Variants in GSTK1 observed in about 807,000 individuals in gnomAD.
GSTK1 encodes the protein GST class-kappa.
GSTK1 carries 25 observed loss-of-function variants against 30.9 expected under a neutral mutation model. The ratio of observed to expected loss-of-function variants is 0.81; its 90% CI spans 0.59 to 1.13. The LOEUF is 1.13. GSTK1 is among the 50% of genes most tolerant of loss of function. The probability of loss-of-function intolerance (pLI) is 0.00; values close to 1 mark genes in which losing one functional copy is unlikely to be tolerated. For synonymous variants in GSTK1, 108 were observed against 112.5 expected, an observed-to-expected ratio of 0.96 and a Z score of 0.25; for missense variants, 292 against 292.4, an observed-to-expected ratio of 1.00 and a Z score of 0.01.
In GSTK1 at chr7:143,268,281, A is replaced by G; in HGVS notation, c.631+97A>G. The G allele has an allele frequency of 1.2e-6, 1 of 854,368 alleles. No homozygotes were observed. The highest frequency in any genetic ancestry group is 2.5e-5 in the East Asian group (1 of 40,272). 52.9% of individuals were successfully genotyped at this position (854,368 alleles called of 1,614,324 possible). ...GCTGAGGCGAGCAGAGCACGAGTTC[A>G]GGAGATTAAGACCATCCTGGCCAAC... On this transcript the variant is annotated intron_variant, in intron 7 of 7. Coordinates refer to ENST00000358406, the MANE Select transcript of GSTK1 (RefSeq NM_015917.3). This position sits in a 1 kb window ranked among gnomAD's most constrained non-coding sequence, Gnocchi z 4.1.
intron 5 of GSTK1, among the ~76,000 whole-genome samples, chr7:143,267,049 A>C (rs1427651196): frequency 6.6e-6 from 1 of 152,152 alleles, no homozygotes; most frequent in African/African-American, 2.4e-5. Flanking sequence ...CATCTATCCC[A>C]AACTATACCA....
chr7:143,268,212 G>A lies in GSTK1; in HGVS notation c.631+28G>A, dbSNP rs754889079. 3.7e-5 allele frequency: 59 copies of A among 1,579,508 alleles called. No homozygotes were observed. In the Middle Eastern group the frequency reaches 8.4e-4, roughly 22 times the overall value. Reference sequence around the variant, plus strand: ...AAGTAAGTTAAAGAATCAACCCTGAGCCAGGTGCAGTGGCTCACGCCTGTA... The same window carrying A: ...AAGTAAGTTAAAGAATCAACCCTGAACCAGGTGCAGTGGCTCACGCCTGTA... On this transcript the variant is annotated intron_variant, in intron 7 of 7. Coordinates refer to ENST00000358406, the MANE Select transcript of GSTK1 (RefSeq NM_015917.3). The surrounding 1 kb of genome is among the most constrained non-coding windows in gnomAD (Gnocchi z 4.1).
In GSTK1 at chr7:143,263,503, G is replaced by C. The variant is rs747164841; in HGVS notation, c.-11G>C. The C allele has an allele frequency of 5.6e-6, 9 of 1,608,804 alleles. No individual in the cohort carries two copies. The highest frequency in any genetic ancestry group is 1.3e-5 in the African/African-American group (1 of 74,928). On this transcript the variant is annotated 5_prime_UTR_variant, in exon 1 of 8. Transcript: ENST00000358406. Reference sequence around the variant, plus strand: ...AGCTCCTGCTGCCACTGCTCTTCCGGAGCCTGCAGCATGGGGCCCCTGCCG... The same window carrying C: ...AGCTCCTGCTGCCACTGCTCTTCCGCAGCCTGCAGCATGGGGCCCCTGCCG...
chr7:143,263,838 T>A (rs1336783834), intron 1 of GSTK1: 1 of 603,158 alleles, frequency 1.7e-6, no homozygotes, highest in African/African-American at 1.9e-5. Flanking sequence ...CTCCAAACAT[T>A]CAGGGAGAAA....
At chr7:143,265,125 G>T in intron 4 of GSTK1, 33 bp downstream of exon 4, 1 of 1,613,912 alleles carries the variant, frequency 6.2e-7, no homozygotes, top group Non-Finnish European at 8.5e-7. Context: ...CCTCTGGGAG[G>T]ACCTTGGATG....
chr7:143,268,807 T>TA lies in GSTK1; in HGVS notation c.652dup (p.Ile218AsnfsTer21). On this transcript the variant is annotated frameshift_variant, in exon 8 of 8. Coordinates refer to ENST00000358406, the MANE Select transcript of GSTK1 (RefSeq NM_015917.3). LOFTEE classifies it high-confidence loss of function. The surrounding 1 kb of genome is among the most constrained non-coding windows in gnomAD (Gnocchi z 4.1). ...ATCCAGGAGAGAAGTGGATGGGCCC[T>TA]ATACCTCCAGCCGTGAATGCCAGAC... The TA allele has an allele frequency of 6.2e-7, 1 of 1,613,998 alleles. No homozygotes were observed. The highest frequency in any genetic ancestry group is 1.3e-5 in the African/African-American group (1 of 75,022).
intron 5 of GSTK1, among the ~76,000 whole-genome samples, chr7:143,266,469 G>T (rs1423321569): frequency 6.6e-6 from 1 of 152,010 alleles, no homozygotes; most frequent in Non-Finnish European, 1.5e-5. Flanking sequence ...ATTTAACCAA[G>T]TCAAAGATAG....
At chr7:143,266,989 A>AT (rs1282495814) in intron 5 of GSTK1, among the ~76,000 whole-genome samples, 1 of 151,870 alleles carries the variant, frequency 6.6e-6, no homozygotes, top group Non-Finnish European at 1.5e-5. Flanking sequence ...TCACGTGGAG[A>AT]TTTTTTAAAG....
chr7:143,264,525 C>G lies in GSTK1; in HGVS notation c.155-23C>G, dbSNP rs58553685. ...GACCCTTAGGTCTTTTCTCACTTAG[C>G]GTGCCCAACCTTCTCCTGGCAGGAA... is the stretch of plus-strand genomic sequence containing the variant. On this transcript the variant is annotated intron_variant, in intron 2 of 7. Transcript: ENST00000358406. 3.1e-6 allele frequency: 5 copies of G among 1,613,628 alleles called. No homozygotes were observed. In the South Asian group the frequency reaches 4.4e-5, roughly 14 times the overall value.
At position 143,263,468 on chromosome 7, in the gene GSTK1, C is replaced by T. The variant is rs199884939; in HGVS notation, c.-46C>T. 3.2e-6 allele frequency: 5 copies of T among 1,575,100 alleles called. No individual in the cohort carries two copies. The highest frequency in any genetic ancestry group is 1.3e-5 in the African/African-American group (1 of 74,446). On this transcript the variant is annotated 5_prime_UTR_variant, in exon 1 of 8. Coordinates refer to ENST00000358406, the MANE Select transcript of GSTK1 (RefSeq NM_015917.3). ...AAGCTGGGCAGCCTCTGCCGGGTTC[C>T]GGGAAAAGGAGCTCCTGCTGCCACT...
intron 1 of GSTK1, 37 bp downstream of exon 1, chr7:143,263,622 G>A (rs1178352624): frequency 6.3e-7 from 1 of 1,579,922 alleles, no homozygotes; most frequent in African/African-American, 1.3e-5. Context: ...AGTGTCTGGG[G>A]AGTGAGGGCG....
At chr7:143,263,794 C>T (rs1800785653) in intron 1 of GSTK1, 1 of 606,848 alleles carries the variant, frequency 1.6e-6, no homozygotes, top group African/African-American at 1.8e-5. Context: ...TATATCCCGA[C>T]TGCAGTTTCC....
Position 143,264,819 on chromosome 7 carries a change from C to G in GSTK1, c.283+143C>G. 3.0e-6 allele frequency: 4 copies of G among 1,328,826 alleles called. No homozygotes were observed. The South Asian group carries it at 5.1e-5, about 17-fold the overall frequency. 82.3% of individuals were successfully genotyped at this position (1,328,826 alleles called of 1,614,324 possible). On this transcript the variant is annotated intron_variant, in intron 3 of 7. Coordinates refer to ENST00000358406, the MANE Select transcript of GSTK1 (RefSeq NM_015917.3). Reference sequence around the variant, plus strand: ...AACCTCAGGATCAGCCTTGAGCGAGCTGAAGGTTGCCGGGCATGAAAGGGA... The same window carrying G: ...AACCTCAGGATCAGCCTTGAGCGAGGTGAAGGTTGCCGGGCATGAAAGGGA...
rs976792731 is a variant in GSTK1 at position 143,264,275 on chromosome 7, CT to C, written c.154+109del. On this transcript the variant is annotated intron_variant, in intron 2 of 7. Coordinates refer to ENST00000358406, the MANE Select transcript of GSTK1 (RefSeq NM_015917.3). ...GCCAGAAAGCTGCCCTCTGCCCCGTCTCTACTAAAAATACAAAATTAGCCGG... is the reference window on the plus strand; with the variant it reads ...GCCAGAAAGCTGCCCTCTGCCCCGTCCTACTAAAAATACAAAATTAGCCGG... 53 of 1,004,316 alleles carry C rather than the reference CT, an allele frequency of 5.3e-5. No homozygotes were observed. The African/African-American group carries it at 7.1e-4, about 13-fold the overall frequency. The allele number at this position is 1,004,316 out of a possible 1,614,324, so 62.2% of individuals were successfully genotyped here. A position where few individuals can be genotyped will look rare whatever the true frequency, so the allele number is the denominator to read the frequency against.
chr7:143,265,191 G>A (rs1800839730), intron 4 of GSTK1, 70 bp from the exon 5 acceptor site: 1 of 1,606,782 alleles, frequency 6.2e-7, no homozygotes, highest in Non-Finnish European at 8.5e-7. Context: ...CCCCGCCCGG[G>A]GGATCTACTG....
Position 143,268,145 on chromosome 7 carries a change from T to C in GSTK1, c.592T>C (p.Phe198Leu), listed in dbSNP as rs1349862664. The C allele has an allele frequency of 6.2e-7, 1 of 1,614,004 alleles. No individual in the cohort carries two copies. Among genetic ancestry groups the C allele is most frequent in the African/African-American group, 1.3e-5 (1 of 74,940 alleles). ...TGTGGATGGCCAAACCCACATGTTA[T>C]TTGGCTCTGACCGGATGGAGCTGCT... ...AHVDGQTHML[F>L]GSDRMELLAH... is the part of the protein sequence containing the mutation. The change falls in exon 7 of 8, where the codon TTT (phenylalanine) becomes CTT (leucine). Residue 198 changes from phenylalanine to leucine, a missense_variant. Physicochemically the swap from Phe to Leu is conservative, Grantham distance 22. Transcript: ENST00000358406. The surrounding 1 kb of genome is among the most constrained non-coding windows in gnomAD (Gnocchi z 4.1).
At chr7:143,267,302 G>C (rs1013549185) in intron 5 of GSTK1, among the ~76,000 whole-genome samples, 2 of 152,196 alleles carry the variant, frequency 1.3e-5, no homozygotes, top group Non-Finnish European at 2.9e-5. Context: ...CTCTGAGCAA[G>C]TAATGTATCA....
chr7:143,266,694 C>T (rs1334900939), intron 5 of GSTK1, among the ~76,000 whole-genome samples: 5 of 79,944 alleles, frequency 6.3e-5, no homozygotes, highest in African/African-American at 2.6e-4. Context: ...CAGTGTCTTG[C>T]TTTGTCACCC....
At chr7:143,265,188 CG>C in intron 4 of GSTK1, 72 bp from the exon 5 acceptor site, 4 of 1,607,120 alleles carry the variant, frequency 2.5e-6, no homozygotes, top group Non-Finnish European at 3.4e-6. Context: ...TGCCCCCGCC[CG>C]GGGGATCTAC....
Sources: gnomAD v4.1 joint callset for allele counts (sites outside exome capture counted in the v4.1 genomes callset) on GRCh38, gnomAD v4.1.1 for gene constraint, Gnocchi (gnomAD v3.1) non-coding constraint, MANE v1.5 for transcripts, NCBI Gene and HGNC (gene_info 2026-07-23, HGNC 2026-07-21) for gene names.